DIS3L2: variants seen among roughly 807,000 people sequenced by gnomAD.
DIS3L2 encodes DIS3 like 3'-5' exoribonuclease 2.
A neutral mutation model predicts 97.5 loss-of-function variants in DIS3L2; 34 were observed. The ratio of observed to expected loss-of-function variants is 0.35; its 90% confidence interval spans 0.27 to 0.46. The LOEUF (loss-of-function observed/expected upper bound fraction) is 0.46. Ranked by LOEUF, DIS3L2 falls within the 20% of genes least tolerant of loss-of-function variation. The pLI is 1.00. For missense variants in DIS3L2, 1,038 were observed against 1,146.0 expected (o/e 0.91, Z 1.36); for synonymous variants, 435 against 445.2 (o/e 0.98, Z 0.29).
rs577476468 is a variant in DIS3L2, at chr2:232,212,732, G to A, written c.1204+2327G>A. On this transcript the variant is annotated intron_variant, in intron 10 of 20. Transcript: ENST00000325385. ...AAAAGGAGAGAAACTAGAGGCTGGG[G>A]AATGAGTCAGAGAAATATTGCAATA... 2.6e-5 allele frequency among the ~76,000 whole-genome samples: 4 copies of A among 152,290 alleles called. No homozygotes were observed. The South Asian group carries it at 8.3e-4, about 32-fold the overall frequency.
At chr2:232,194,684 A>G (rs1202063288) in intron 9 of DIS3L2, among the ~76,000 whole-genome samples, 1 of 152,212 alleles carries the variant, frequency 6.6e-6, no homozygotes. Flanking sequence ...AGTCCATTTG[A>G]AGAGAGCTGC....
rs762383912 is a variant in DIS3L2, at chr2:232,330,799, C to T, written c.2010+23C>T. On this transcript the variant is annotated intron_variant, in intron 16 of 20. Coordinates refer to ENST00000325385, the MANE Select transcript of DIS3L2 (RefSeq NM_152383.5). ...CAGGTAAGGAGGGCCCAGCCCCGGC[C>T]TCCCCTGCTCCCAGGAGCACACTAG... is the stretch of plus-strand genomic sequence containing the variant. 4 of 1,602,816 alleles carry T rather than the reference C, an allele frequency of 2.5e-6. No homozygotes were observed. The South Asian group carries it at 4.4e-5, about 18-fold the overall frequency.
chr2:231,982,648 A>G (rs981950415), intron 1 of DIS3L2, among the ~76,000 whole-genome samples: 5 of 150,430 alleles, frequency 3.3e-5, no homozygotes, highest in African/African-American at 7.3e-5. Context: ...AATAATTTCT[A>G]CATTTGGATT....
At chr2:232,100,931 A>AACTTTATG (rs1280118639) in intron 6 of DIS3L2, among the ~76,000 whole-genome samples, 1 of 151,532 alleles carries the variant, frequency 6.6e-6, no homozygotes, top group Non-Finnish European at 1.5e-5. Context: ...TCTGAGAGGG[A>AACTTTATG]TCTTTAAAAA....
At chr2:232,328,391 C>T (rs535048470) in intron 14 of DIS3L2, 2 of 152,406 alleles carry the variant, frequency 1.3e-5, no homozygotes, top group African/African-American at 4.8e-5. Context: ...TCTCAGGCTC[C>T]CTGGGGAGGC....
At chr2:232,063,921 C>G (rs945971873) in intron 5 of DIS3L2, among the ~76,000 whole-genome samples, 1 of 151,976 alleles carries the variant, frequency 6.6e-6, no homozygotes, top group Admixed American at 6.6e-5. Context: ...TAAGTTTTAT[C>G]AGAATAAAAA....
intron 1 of DIS3L2, among the ~76,000 whole-genome samples, chr2:231,969,365 C>T (rs1203975347): frequency 1.4e-5 from 2 of 141,552 alleles, no homozygotes; most frequent in East Asian, 4.1e-4. Flanking sequence ...GGTAGGAGTG[C>T]AGTGGCGCAA....
chr2:232,311,470 A>G (rs1695131104), intron 14 of DIS3L2, among the ~76,000 whole-genome samples: 1 of 152,242 alleles, frequency 6.6e-6, no homozygotes, highest in Non-Finnish European at 1.5e-5. Flanking sequence ...TCACACCTAT[A>G]ATCCCAGCAC....
intron 6 of DIS3L2, chr2:232,111,306 T>C: frequency 6.4e-6 from 3 of 468,920 alleles, no homozygotes; most frequent in Non-Finnish European, 1.3e-5. Context: ...GCAGCCAATT[T>C]CTAGAATAGA....
chr2:232,118,301 G>A, intron 6 of DIS3L2, among the ~76,000 whole-genome samples: 1 of 152,224 alleles, frequency 6.6e-6, no homozygotes, highest in East Asian at 1.9e-4. Flanking sequence ...TGATCATACA[G>A]GGCATGAAGA....
At chr2:232,323,243 C>G (rs73995227) in intron 14 of DIS3L2, among the ~76,000 whole-genome samples, 2,982 of 152,322 alleles carry the variant, frequency 0.02, 103 homozygotes, top group African/African-American at 0.069. Context: ...GCCTGCAGGC[C>G]GCCCCTACCT....
chr2:232,226,013 G>C (rs954640075), intron 10 of DIS3L2, among the ~76,000 whole-genome samples: 9 of 152,314 alleles, frequency 5.9e-5, no homozygotes, highest in Admixed American at 5.9e-4. Flanking sequence ...GCCTGCGGCT[G>C]GGAAGGTTGG....
chr2:232,007,383 C>A (rs1167099938), intron 1 of DIS3L2, among the ~76,000 whole-genome samples: 1 of 152,120 alleles, frequency 6.6e-6, no homozygotes, highest in East Asian at 1.9e-4. Context: ...TCAGTTATGG[C>A]ATAGAAAATA....
At chr2:232,070,681 T>G (rs1695989486) in intron 5 of DIS3L2, among the ~76,000 whole-genome samples, 1 of 151,156 alleles carries the variant, frequency 6.6e-6, no homozygotes, top group Non-Finnish European at 1.5e-5. Context: ...ACCTCCCGGG[T>G]TCAAGTGATT....
intron 6 of DIS3L2, among the ~76,000 whole-genome samples, chr2:232,128,451 A>ATTTTTTTTT (rs10682281): frequency 1.4e-4 from 10 of 71,694 alleles, no homozygotes; most frequent in East Asian, 5.3e-4. Context: ...AACTTTGCTA[A>ATTTTTTTTT]TTTTTTTTTT....
At chr2:232,297,370 C>T (rs1694748154) in intron 13 of DIS3L2, among the ~76,000 whole-genome samples, 1 of 152,182 alleles carries the variant, frequency 6.6e-6, no homozygotes, top group Non-Finnish European at 1.5e-5. Context: ...CCCAGTGACA[C>T]CTTTCATGAT....
At chr2:232,101,619 G>T (rs542477975) in intron 6 of DIS3L2, among the ~76,000 whole-genome samples, 2 of 152,282 alleles carry the variant, frequency 1.3e-5, no homozygotes, top group East Asian at 3.9e-4. Flanking sequence ...TTATTCCCAA[G>T]ATGCAGAAAA....
chr2:232,330,018 G>T (rs766038256), intron 15 of DIS3L2, 22 bp downstream of exon 15: 2 of 1,589,136 alleles, frequency 1.3e-6, no homozygotes, highest in South Asian at 2.2e-5. Context: ...GCAGGATTCG[G>T]GGGAGGCCCT....
intron 14 of DIS3L2, among the ~76,000 whole-genome samples, chr2:232,310,221 G>GC (rs1487000086): frequency 1.3e-5 from 2 of 152,184 alleles, no homozygotes; most frequent in African/African-American, 4.8e-5. Context: ...TTAGGAGAAA[G>GC]GGGGGCTTGA....
Sources: gnomAD v4.1 joint callset for allele counts (sites outside exome capture counted in the v4.1 genomes callset) on GRCh38, gnomAD v4.1.1 for gene constraint, MANE v1.5 for transcripts, NCBI Gene and HGNC (gene_info 2026-07-23, HGNC 2026-07-21) for gene names.